Variants in NECAB3 observed in about 807,000 individuals in gnomAD.
NECAB3 encodes the protein N-terminal EF-hand calcium binding protein 3, also known as N-terminal EF-hand calcium-binding protein 3.
Under a neutral mutation model 57.2 loss-of-function variants are expected in NECAB3, and 38 were observed. The ratio of observed to expected loss-of-function variants is 0.66; its 90% CI spans 0.51 to 0.87. The LOEUF (loss-of-function observed/expected upper bound fraction) is 0.87, where lower values mean the gene tolerates loss of function less well. Among genes scored for constraint, NECAB3 ranks in the 40% least tolerant of loss-of-function variants. The pLI, the probability that NECAB3 is intolerant of heterozygous loss-of-function variation, is 0.00. For synonymous variants in NECAB3, 223 were observed against 222.6 expected (o/e 1.00, Z -0.02); for missense variants, 474 against 527.5 (o/e 0.90, Z 0.99).
In NECAB3 at chr20:33,660,232, C is replaced by A. The variant is rs1403391112; in HGVS notation, c.524+27G>T. 1 of 1,608,044 alleles carries A rather than the reference C, an allele frequency of 6.2e-7. No homozygotes were observed. Among genetic ancestry groups the A allele is most frequent in the African/African-American group, 1.3e-5 (1 of 74,854 alleles). On this transcript the variant is annotated intron_variant, in intron 6 of 11. Coordinates refer to ENST00000246190, the MANE Select transcript of NECAB3 (RefSeq NM_031232.4). The surrounding 1 kb of genome is among the most constrained non-coding windows in gnomAD (Gnocchi z 4.1). The stretch of plus-strand genomic sequence containing the variant: ...TACAATGGGCGCTTGTGCACTAGCC[C>A]CACAGGTTGACAGCACCCTTACATA...
intron 5 of NECAB3, chr20:33,667,614 C>T (rs372855644): frequency 3.6e-5 from 57 of 1,594,080 alleles, no homozygotes; most frequent in South Asian, 1.7e-4. Flanking sequence ...ACTCGTGGCA[C>T]CAGGCCACCT....
Position 33,659,535 on chromosome 20 carries a change from G to A in NECAB3, c.841C>T (p.Pro281Ser), listed in dbSNP as rs1480974830. 2 of 1,541,948 alleles carry A rather than the reference G, an allele frequency of 1.3e-6. No homozygotes were observed. The highest frequency in any genetic ancestry group is 2.4e-5 in the East Asian group (1 of 42,416). The change falls in exon 8 of 12, where the codon CCC (proline) becomes TCC (serine). Residue 281 changes from proline to serine, a missense_variant. Transcript: ENST00000246190. ...TTGGCCAGGTCCTCTTCACGCAGGG[G>A]TTCCAGCCGGGGGGCCTGTGAGGGC... ...SVPSQAPRLEPLREEDLAKGP... is the reference protein window; with the variant it reads ...SVPSQAPRLESLREEDLAKGP...
In NECAB3 at chr20:33,657,964, G is replaced by A; in HGVS notation, c.1140C>T (p.Thr380=). 3 of 1,557,656 alleles carry A rather than the reference G, an allele frequency of 1.9e-6. No homozygotes were observed. Among genetic ancestry groups the A allele is most frequent in the South Asian group, 2.4e-5 (2 of 84,384 alleles). ...ILIDHLRAPD[T]LTTVFFPASW... is the part of the protein sequence containing the mutation. ...TACCTGGGAAGAACACAGTGGTGAG[G>A]GTGTCCGGGGCCCGCAGGTGGTCGA... Residue 380 remains threonine (T), a synonymous_variant, in exon 11 of 12, where the codon ACC becomes ACT. Coordinates refer to ENST00000246190, the MANE Select transcript of NECAB3 (RefSeq NM_031232.4).
chr20:33,670,283 G>C, intron 3 of NECAB3: 1 of 188,516 alleles, frequency 5.3e-6, no homozygotes, highest in South Asian at 1.3e-4. Context: ...CTGGGAGCAG[G>C]CACGGGAAGG....
In NECAB3 at chr20:33,657,538, G is replaced by A. The variant is rs2122444466; in HGVS notation, c.*291C>T. 2 of 386,150 alleles carry A rather than the reference G, an allele frequency of 5.2e-6. No homozygotes were observed. Among genetic ancestry groups the A allele is most frequent in the Non-Finnish European group, 8.7e-6 (2 of 230,298 alleles). 23.9% of individuals were successfully genotyped at this position (386,150 alleles called of 1,614,324 possible). A position where few individuals can be genotyped will look rare whatever the true frequency, so the allele number is the denominator to read the frequency against. ...CAGACAGGGACGGGACCTGCCCTGGGTCGCTCAGCCAGGCAGGGACAGCAG... is the reference window on the plus strand; with the variant it reads ...CAGACAGGGACGGGACCTGCCCTGGATCGCTCAGCCAGGCAGGGACAGCAG... On this transcript the variant is annotated 3_prime_UTR_variant, in exon 12 of 12. Coordinates refer to ENST00000246190, the MANE Select transcript of NECAB3 (RefSeq NM_031232.4).
chr20:33,672,377 C>A, intron 2 of NECAB3, 21 bp downstream of exon 2: 6 of 1,614,132 alleles, frequency 3.7e-6, no homozygotes, highest in Non-Finnish European at 5.1e-6. Context: ...CACTGTGGGA[C>A]CCAGGGGAAG....
chr20:33,667,388 G>A (rs1011599326), intron 5 of NECAB3: 1 of 1,360,108 alleles, frequency 7.4e-7, no homozygotes, highest in Admixed American at 3.4e-5. Context: ...CTGCGGGTGT[G>A]CCCAGAGCAG....
chr20:33,657,842 A>G lies in NECAB3; in HGVS notation c.1178T>C (p.Met393Thr), dbSNP rs1347275877. ...TGCAGGTCTGGCTCAGTTGTTATTC[A>G]TTATCCACCAGGAGGCTGGGGGTCA... ...TVFFPASWWI[M>T]NNN The change falls in exon 12 of 12, where the codon ATG becomes ACG. Residue 393 changes from methionine (M) to threonine (T), a missense_variant. Physicochemically the swap from Met to Thr is moderately conservative, Grantham distance 81. Coordinates refer to ENST00000246190, the MANE Select transcript of NECAB3 (RefSeq NM_031232.4). 1.9e-6 allele frequency: 3 copies of G among 1,540,718 alleles called. No individual in the cohort carries two copies. The highest frequency in any genetic ancestry group is 1.8e-4 in the Middle Eastern group (1 of 5,608).
intron 5 of NECAB3, among the ~76,000 whole-genome samples, chr20:33,666,188 G>C (rs2017645710): frequency 6.6e-6 from 1 of 152,268 alleles, no homozygotes; most frequent in African/African-American, 2.4e-5. Context: ...GGCTCTTCAG[G>C]GAAGCTGCAG....
intron 5 of NECAB3, chr20:33,667,473 G>C (rs2017695098): frequency 6.9e-7 from 1 of 1,454,194 alleles, no homozygotes; most frequent in Non-Finnish European, 9.0e-7. Flanking sequence ...TGCTGTTCGA[G>C]ACCCTGGCAG....
intron 4 of NECAB3, 91 bp downstream of exon 4, chr20:33,669,596 G>T: frequency 6.5e-7 from 1 of 1,535,112 alleles, no homozygotes; most frequent in Non-Finnish European, 8.8e-7. Context: ...AGCCCAACCT[G>T]TCCCATCAGG....
chr20:33,666,605 T>C (rs1026400168), intron 5 of NECAB3: 1 of 152,282 alleles, frequency 6.6e-6, no homozygotes, highest in Non-Finnish European at 1.5e-5. Flanking sequence ...GCCCTCAAAG[T>C]TCTGCTCCTC....
At position 33,660,434 on chromosome 20, in the gene NECAB3, G is replaced by A. The variant is rs374273440; in HGVS notation, c.388-39C>T. The A allele has an allele frequency of 2.1e-5, 34 of 1,604,334 alleles. No homozygotes were observed. The Admixed American group carries it at 2.3e-4, about 11-fold the overall frequency. The stretch of plus-strand genomic sequence containing the variant: ...AGGGACGGTCAGCATCTCCCAGCCC[G>A]GGCACTGATCTCTTGAGTGGGTCCC... On this transcript the variant is annotated intron_variant, in intron 5 of 11. Transcript: ENST00000246190. This position sits in a 1 kb window ranked among gnomAD's most constrained non-coding sequence, Gnocchi z 4.1.
At chr20:33,663,590 A>T (rs7260921) in intron 5 of NECAB3, 2 of 1,611,248 alleles carry the variant, frequency 1.2e-6, no homozygotes, top group Non-Finnish European at 1.7e-6. Context: ...AACGCTGGGC[A>T]ACGGATTGAC....
chr20:33,660,452 T>G lies in NECAB3; in HGVS notation c.388-57A>C. On this transcript the variant is annotated intron_variant, in intron 5 of 11. Transcript: ENST00000246190. The surrounding 1 kb of genome is among the most constrained non-coding windows in gnomAD (Gnocchi z 4.1). Reference sequence around the variant, plus strand: ...CCAGCCCGGGCACTGATCTCTTGAGTGGGTCCCCTGCCTCTTGCCCATCAG... The same window carrying G: ...CCAGCCCGGGCACTGATCTCTTGAGGGGGTCCCCTGCCTCTTGCCCATCAG... 1.4e-5 allele frequency: 22 copies of G among 1,591,396 alleles called. No individual in the cohort carries two copies. Among genetic ancestry groups the G allele is most frequent in the Non-Finnish European group, 1.9e-5 (22 of 1,165,710 alleles).
chr20:33,663,236 G>A (rs1458847318), intron 5 of NECAB3: 2 of 494,568 alleles, frequency 4.0e-6, no homozygotes, highest in Admixed American at 4.0e-5. Context: ...CTGACATAGG[G>A]CCTGGAAGGG....
intron 3 of NECAB3, 107 bp from the exon 4 acceptor site, chr20:33,669,819 A>G (rs924137959): frequency 8.1e-7 from 1 of 1,238,910 alleles, no homozygotes; most frequent in Non-Finnish European, 1.1e-6. Context: ...TAGCCTAACA[A>G]GGCCACTTCT....
chr20:33,663,573 G>A (rs772876354), intron 5 of NECAB3: 20 of 1,611,154 alleles, frequency 1.2e-5, no homozygotes, highest in Non-Finnish European at 1.6e-5. Context: ...AGCGGCAGCC[G>A]CTGGCCAACG....
Position 33,663,690 on chromosome 20 carries a change from A to ACTG in NECAB3, c.388-3298_388-3296dup, listed in dbSNP as rs755984673. 697 of 1,580,004 alleles carry ACTG rather than the reference A, an allele frequency of 4.4e-4. 1 individual carries two copies. Among genetic ancestry groups the ACTG allele is most frequent in the African/African-American group, 4.4e-3 (321 of 73,700 alleles). ...GCGAGCGCGAGCCGAGGATGCCGGT[A>ACTG]CTGCTGCTGCTGCGGCGGCAAGAGG... On this transcript the variant is annotated intron_variant, in intron 5 of 11. Transcript: ENST00000246190.
Sources: gnomAD v4.1 joint callset for allele counts (sites outside exome capture counted in the v4.1 genomes callset) on GRCh38, gnomAD v4.1.1 for gene constraint, Gnocchi (gnomAD v3.1) non-coding constraint, MANE v1.5 for transcripts, NCBI Gene and HGNC (gene_info 2026-07-23, HGNC 2026-07-21) for gene names.